Variants in ITFG1 observed in about 807,000 individuals in gnomAD.
The protein encoded by ITFG1 is T-cell immunomodulatory protein.
ITFG1 carries 34 observed loss-of-function variants against 81.8 expected under a neutral mutation model. The observed-to-expected ratio is 0.42, with a 90% CI of 0.32 to 0.55. The LOEUF is 0.55. Among genes scored for constraint, ITFG1 ranks in the 20% least tolerant of loss-of-function variants. The pLI, the probability that ITFG1 is intolerant of heterozygous loss-of-function variation, is 0.17. For synonymous variants in ITFG1, 285 were observed against 270.6 expected (o/e 1.05, Z -0.52); for missense variants, 672 against 755.4 (o/e 0.89, Z 1.29).
chr16:47,188,462 A>G (rs1314173847), intron 14 of ITFG1, among the ~76,000 whole-genome samples: 1 of 151,094 alleles, frequency 6.6e-6, no homozygotes, highest in Non-Finnish European at 1.5e-5. Flanking sequence ...TGTCCTTTGT[A>G]GGGACATGGA....
At chr16:47,425,117 G>C (rs1018736629) in intron 6 of ITFG1, among the ~76,000 whole-genome samples, 1 of 152,110 alleles carries the variant, frequency 6.6e-6, no homozygotes. Context: ...AGGCCGCTTT[G>C]TTTACACTGT....
intron 17 of ITFG1, among the ~76,000 whole-genome samples, chr16:47,156,766 G>C (rs141426166): frequency 6.6e-6 from 1 of 152,182 alleles, no homozygotes; most frequent in African/African-American, 2.4e-5. Context: ...TCATGAGAAG[G>C]CTGGAAGGAG....
chr16:47,213,347 T>C (rs1044654318), intron 14 of ITFG1, among the ~76,000 whole-genome samples: 2 of 152,328 alleles, frequency 1.3e-5, no homozygotes, highest in African/African-American at 4.8e-5. Flanking sequence ...TCTATTTTAG[T>C]ATATGCTCCA....
At chr16:47,258,878 G>A (rs186933001) in intron 11 of ITFG1, 138 bp from the exon 12 acceptor site, 74 of 480,920 alleles carry the variant, frequency 1.5e-4, no homozygotes, top group African/African-American at 1.3e-3. Context: ...AAATAAAATC[G>A]CTATTAAAAA....
At chr16:47,348,130 T>A (rs1047385415) in intron 8 of ITFG1, among the ~76,000 whole-genome samples, 2 of 151,996 alleles carry the variant, frequency 1.3e-5, no homozygotes, top group African/African-American at 4.8e-5. Flanking sequence ...ACAGAAAAAC[T>A]GAAAATTCTA....
intron 10 of ITFG1, among the ~76,000 whole-genome samples, chr16:47,294,985 T>C (rs1966961720): frequency 6.6e-6 from 1 of 152,154 alleles, no homozygotes; most frequent in Non-Finnish European, 1.5e-5. Flanking sequence ...CAGTATGATG[T>C]TGATTGTGGG....
intron 6 of ITFG1, among the ~76,000 whole-genome samples, chr16:47,402,293 A>G (rs188290724): frequency 9.5e-4 from 145 of 152,346 alleles, no homozygotes; most frequent in Non-Finnish European, 1.7e-3. Flanking sequence ...AAATGTTTAT[A>G]TGTCTATAAG....
At chr16:47,224,228 T>TAAAA (rs1965731597) in intron 13 of ITFG1, among the ~76,000 whole-genome samples, 1 of 151,952 alleles carries the variant, frequency 6.6e-6, no homozygotes, top group African/African-American at 2.4e-5. Context: ...AATAAATAAA[T>TAAAA]AAAAGAAAAT....
intron 10 of ITFG1, among the ~76,000 whole-genome samples, chr16:47,291,974 A>G (rs1163339541): frequency 6.7e-6 from 1 of 149,458 alleles, no homozygotes; most frequent in African/African-American, 2.5e-5. Context: ...ACTGGGATAC[A>G]TTATTAGAGA....
At chr16:47,343,353 T>C (rs935794991) in intron 8 of ITFG1, among the ~76,000 whole-genome samples, 5 of 152,114 alleles carry the variant, frequency 3.3e-5, no homozygotes, top group Admixed American at 6.5e-5. Context: ...ATAATCTCCA[T>C]TTAAGTGCTA....
chr16:47,218,787 T>C, intron 14 of ITFG1, 81 bp downstream of exon 14: 1 of 737,208 alleles, frequency 1.4e-6, no homozygotes. Context: ...TGTGAAAACA[T>C]AATTTTTTCC....
chr16:47,170,629 C>T (rs1415893607), intron 14 of ITFG1, among the ~76,000 whole-genome samples: 1 of 151,134 alleles, frequency 6.6e-6, no homozygotes, highest in East Asian at 1.9e-4. Flanking sequence ...AGGGTTTCAC[C>T]ATGTTGGCCA....
chr16:47,264,637 C>T (rs1013172864), intron 10 of ITFG1, among the ~76,000 whole-genome samples: 1 of 150,402 alleles, frequency 6.6e-6, no homozygotes, highest in African/African-American at 2.5e-5. Flanking sequence ...ACGAGAAATT[C>T]CAGATGACAG....
intron 8 of ITFG1, among the ~76,000 whole-genome samples, chr16:47,336,451 T>C (rs1418240362): frequency 1.3e-5 from 2 of 152,202 alleles, no homozygotes; most frequent in Non-Finnish European, 2.9e-5. Flanking sequence ...ATCTCACTTA[T>C]AAATCATTGT....
chr16:47,191,309 C>G (rs1429678539), intron 14 of ITFG1, among the ~76,000 whole-genome samples: 1 of 152,170 alleles, frequency 6.6e-6, no homozygotes, highest in African/African-American at 2.4e-5. Context: ...TTGTCCAACC[C>G]ACTGCCCGCA....
chr16:47,452,005 T>C (rs1219910303), intron 4 of ITFG1, among the ~76,000 whole-genome samples: 1 of 152,168 alleles, frequency 6.6e-6, no homozygotes. Flanking sequence ...CTAGTTGGTA[T>C]AAAACTTCAT....
intron 10 of ITFG1, among the ~76,000 whole-genome samples, chr16:47,272,785 C>T (rs1032145681): frequency 4.6e-5 from 7 of 151,754 alleles, no homozygotes; most frequent in African/African-American, 1.7e-4. Context: ...GTGGTTAATA[C>T]AAAAGTTAAC....
chr16:47,296,038 A>G (rs1966976186), intron 10 of ITFG1, among the ~76,000 whole-genome samples: 2 of 152,098 alleles, frequency 1.3e-5, no homozygotes, highest in African/African-American at 4.8e-5. Flanking sequence ...AGCTGAGTCT[A>G]CAGGCATGCA....
chr16:47,196,603 C>G (rs551965977), intron 14 of ITFG1: 2 of 152,154 alleles, frequency 1.3e-5, no homozygotes, highest in Non-Finnish European at 2.9e-5. Flanking sequence ...AGGTTGCCCA[C>G]GCTTTGCTGT....
Sources: gnomAD v4.1 joint callset for allele counts (sites outside exome capture counted in the v4.1 genomes callset) on GRCh38, gnomAD v4.1.1 for gene constraint, MANE v1.5 for transcripts, NCBI Gene and HGNC (gene_info 2026-07-23, HGNC 2026-07-21) for gene names.